Variants in CEP85L observed in about 807,000 individuals in gnomAD.
CEP85L encodes centrosomal protein of 85 kDa-like.
CEP85L carries 60 observed loss-of-function variants against 100.3 expected under a neutral mutation model. That is an observed-to-expected ratio of 0.60 (90% CI 0.49 to 0.74). CEP85L has a LOEUF of 0.74. Ranked by LOEUF, CEP85L falls within the 30% of genes least tolerant of loss-of-function variation. The pLI, the probability that CEP85L is intolerant of heterozygous loss-of-function variation, is 0.00. For missense variants in CEP85L, 973 were observed against 936.2 expected (o/e 1.04, Z -0.51); for synonymous variants, 319 against 322.7 (o/e 0.99, Z 0.12).
chr6:118,551,127 G>C (rs547131025), intron 3 of CEP85L, among the ~76,000 whole-genome samples: 1 of 151,682 alleles, frequency 6.6e-6, no homozygotes, highest in African/African-American at 2.4e-5. Flanking sequence ...ATCACATTTC[G>C]ATACTTTATT....
At chr6:118,476,218 T>C (rs62424175) in intron 10 of CEP85L, among the ~76,000 whole-genome samples, 1 of 151,824 alleles carries the variant, frequency 6.6e-6, no homozygotes, top group Non-Finnish European at 1.5e-5. Flanking sequence ...ATAACATGCA[T>C]ACAACAGATC....
At chr6:118,610,854 G>A (rs1772558344) in intron 2 of CEP85L, among the ~76,000 whole-genome samples, 6 of 152,230 alleles carry the variant, frequency 3.9e-5, no homozygotes, top group Admixed American at 3.9e-4. Context: ...ATGGCAGCCA[G>A]AAAGAAGAAG....
intron 3 of CEP85L, among the ~76,000 whole-genome samples, chr6:118,535,438 T>G (rs1296610961): frequency 6.6e-6 from 1 of 152,244 alleles, no homozygotes; most frequent in Non-Finnish European, 1.5e-5. Flanking sequence ...ACACTTCTCT[T>G]GTAGTAAAAT....
chr6:118,502,813 T>C, intron 5 of CEP85L: 1 of 629,028 alleles, frequency 1.6e-6, no homozygotes, highest in Non-Finnish European at 3.0e-6. Flanking sequence ...TAAGCATGTA[T>C]GGAGTTCAAA....
upstream of CEP85L, chr6:118,651,765 G>A: frequency 2.0e-6 from 2 of 986,498 alleles, no homozygotes; most frequent in Non-Finnish European, 1.2e-6. Flanking sequence ...GCGGCGACTG[G>A]GCTGTCCCGC....
chr6:118,639,152 A>G (rs972273807), intron 1 of CEP85L, among the ~76,000 whole-genome samples: 1 of 152,230 alleles, frequency 6.6e-6, no homozygotes, highest in African/African-American at 2.4e-5. Flanking sequence ...ATAAAATAGT[A>G]GATAAAGCAT....
chr6:118,653,150 G>C (rs572576804), upstream of CEP85L, among the ~76,000 whole-genome samples: 16 of 152,124 alleles, frequency 1.1e-4, 1 homozygote, highest in East Asian at 3.1e-3. Context: ...AAAGAAAATC[G>C]TTTACTCGGG....
At chr6:118,633,142 T>C (rs1009662567) in intron 1 of CEP85L, among the ~76,000 whole-genome samples, 1 of 152,218 alleles carries the variant, frequency 6.6e-6, no homozygotes, top group Non-Finnish European at 1.5e-5. Flanking sequence ...ATTTGAATTA[T>C]TTCCTTAATT....
chr6:118,588,317 A>T (rs56082110), intron 2 of CEP85L, among the ~76,000 whole-genome samples: 1 of 152,082 alleles, frequency 6.6e-6, no homozygotes. Flanking sequence ...TCAATACTTA[A>T]TATCTCTATT....
intron 2 of CEP85L, among the ~76,000 whole-genome samples, chr6:118,584,806 G>A (rs1454405937): frequency 6.6e-6 from 1 of 152,220 alleles, no homozygotes; most frequent in Non-Finnish European, 1.5e-5. Context: ...TAACGTGGCA[G>A]GACTACTGCA....
chr6:118,465,352 A>G lies in CEP85L; in HGVS notation c.*53T>C. 2 of 1,552,868 alleles carry G rather than the reference A, an allele frequency of 1.3e-6. No individual in the cohort carries two copies. Among genetic ancestry groups the G allele is most frequent in the Non-Finnish European group, 1.8e-6 (2 of 1,139,464 alleles). ...TTGCAACCTTCCATTATGGCTCCAT[A>G]ACACAGCAGCATTTAAACAACAGGT... On this transcript the variant is annotated 3_prime_UTR_variant, in exon 13 of 13. Coordinates refer to ENST00000368491, the MANE Select transcript of CEP85L (RefSeq NM_001042475.3).
intron 5 of CEP85L, among the ~76,000 whole-genome samples, chr6:118,497,545 T>C (rs1775000756): frequency 6.6e-6 from 1 of 152,174 alleles, no homozygotes; most frequent in Non-Finnish European, 1.5e-5. Context: ...TGTGCTTGAA[T>C]CATCCCAAAC....
At chr6:118,597,855 G>T (rs1003998895) in intron 2 of CEP85L, among the ~76,000 whole-genome samples, 1 of 152,194 alleles carries the variant, frequency 6.6e-6, no homozygotes, top group East Asian at 1.9e-4. Flanking sequence ...GAGAACAGGA[G>T]AGAGTTATTT....
intron 1 of CEP85L, among the ~76,000 whole-genome samples, chr6:118,663,389 A>G (rs1414393797): frequency 6.6e-6 from 1 of 152,244 alleles, no homozygotes; most frequent in Non-Finnish European, 1.5e-5. Context: ...TAAAATTTTA[A>G]CAATAGAAAA....
intron 3 of CEP85L, among the ~76,000 whole-genome samples, chr6:118,547,481 T>C (rs1778273865): frequency 6.6e-6 from 1 of 152,150 alleles, no homozygotes; most frequent in Non-Finnish European, 1.5e-5. Context: ...TCTGTAATTA[T>C]TTCTTTTTTG....
chr6:118,599,024 A>T (rs1484668578), intron 2 of CEP85L, among the ~76,000 whole-genome samples: 1 of 152,236 alleles, frequency 6.6e-6, no homozygotes, highest in African/African-American at 2.4e-5. Flanking sequence ...ACGAATAAAC[A>T]GATAAATAAT....
chr6:118,551,785 A>C (rs1214476806), intron 3 of CEP85L, among the ~76,000 whole-genome samples: 1 of 152,024 alleles, frequency 6.6e-6, no homozygotes, highest in East Asian at 1.9e-4. Flanking sequence ...GTCTGGACCA[A>C]CAAAGCTCTG....
At chr6:118,513,714 G>T (rs1349273936) in intron 4 of CEP85L, among the ~76,000 whole-genome samples, 2 of 151,906 alleles carry the variant, frequency 1.3e-5, no homozygotes, top group East Asian at 3.9e-4. Flanking sequence ...AAACTTAAAA[G>T]CTGAAAGAAT....
At chr6:118,665,833 C>T (rs9489490) in intron 1 of CEP85L, among the ~76,000 whole-genome samples, 4,385 of 152,230 alleles carry the variant, frequency 0.029, 100 homozygotes, top group African/African-American at 0.056. Flanking sequence ...CTCTCCACAT[C>T]TCCAGGTTTC....
Sources: allele counts gnomAD v4.1 joint callset (sites outside exome capture counted in the v4.1 genomes callset), GRCh38; gene constraint gnomAD v4.1.1; transcripts MANE v1.5; gene names NCBI Gene and HGNC (gene_info 2026-07-23, HGNC 2026-07-21).